Variants in XYLT1 observed in about 807,000 individuals in gnomAD.
The protein encoded by XYLT1 is beta-D-xylosyltransferase 1.
Under a neutral mutation model 91.3 loss-of-function variants are expected in XYLT1, and 36 were observed. That is an observed-to-expected ratio of 0.39 (90% CI 0.30 to 0.52). XYLT1 has a LOEUF of 0.52. Ranked by LOEUF, XYLT1 falls within the 20% of genes least tolerant of loss-of-function variation. The pLI is 0.68. For missense variants in XYLT1, 1,242 were observed against 1,284.5 expected, an observed-to-expected ratio of 0.97 and a Z score of 0.51; for synonymous variants, 588 against 532.0, an observed-to-expected ratio of 1.11 and a Z score of -1.45.
intron 5 of XYLT1, among the ~76,000 whole-genome samples, chr16:17,183,119 A>C (rs2032106978): frequency 6.6e-6 from 1 of 152,172 alleles, no homozygotes; most frequent in Admixed American, 6.5e-5. Context: ...CTGCATTCAA[A>C]TCCCAGCTTG....
At chr16:17,449,119 G>A (rs2036631476) in intron 1 of XYLT1, among the ~76,000 whole-genome samples, 1 of 152,210 alleles carries the variant, frequency 6.6e-6, no homozygotes, top group African/African-American at 2.4e-5. Flanking sequence ...ACACGCCCAA[G>A]GAAGTTCCTC....
chr16:17,177,484 C>T (rs1037888476), intron 5 of XYLT1, among the ~76,000 whole-genome samples: 17 of 152,144 alleles, frequency 1.1e-4, no homozygotes, highest in South Asian at 2.1e-4. Context: ...TCAAAGGCAG[C>T]GATGTTAATG....
intron 2 of XYLT1, among the ~76,000 whole-genome samples, chr16:17,305,757 C>G (rs1212596881): frequency 6.6e-6 from 1 of 152,110 alleles, no homozygotes; most frequent in African/African-American, 2.4e-5. Flanking sequence ...GCATTTGTAA[C>G]TATAAGGACC....
chr16:17,256,476 C>A (rs1439926789), intron 3 of XYLT1, among the ~76,000 whole-genome samples: 3 of 151,974 alleles, frequency 2.0e-5, no homozygotes, highest in African/African-American at 4.8e-5. Context: ...GATGGTGAAA[C>A]CCTGTCTCTA....
At chr16:17,331,217 G>A (rs759128305) in intron 2 of XYLT1, among the ~76,000 whole-genome samples, 7 of 152,218 alleles carry the variant, frequency 4.6e-5, no homozygotes, top group Non-Finnish European at 8.8e-5. Context: ...CAGCACACAA[G>A]GCCTTCTCAG....
intron 3 of XYLT1, among the ~76,000 whole-genome samples, chr16:17,254,498 G>A (rs1360996371): frequency 1.3e-5 from 2 of 152,064 alleles, no homozygotes; most frequent in Admixed American, 6.6e-5. Flanking sequence ...AAGCTTAAGC[G>A]ATTCTCCTGC....
chr16:17,359,591 G>A (rs1185527293), intron 1 of XYLT1, among the ~76,000 whole-genome samples: 2 of 152,166 alleles, frequency 1.3e-5, no homozygotes, highest in Non-Finnish European at 2.9e-5. Context: ...AAAGGAAACT[G>A]CCAAGAGAAC....
intron 5 of XYLT1, among the ~76,000 whole-genome samples, chr16:17,179,258 C>T (rs1158679992): frequency 2.0e-5 from 3 of 152,066 alleles, no homozygotes; most frequent in Non-Finnish European, 4.4e-5. Flanking sequence ...GGGTGAGGAT[C>T]GAAAAACTAT....
chr16:17,297,545 T>G (rs940788787), intron 2 of XYLT1, among the ~76,000 whole-genome samples: 1 of 135,986 alleles, frequency 7.4e-6, no homozygotes, highest in Non-Finnish European at 1.5e-5. Flanking sequence ...GGACCCCATC[T>G]CTAAAGAAAA....
At chr16:17,188,882 A>T (rs114794943) in intron 5 of XYLT1, among the ~76,000 whole-genome samples, 4 of 152,222 alleles carry the variant, frequency 2.6e-5, no homozygotes, top group African/African-American at 9.6e-5. Flanking sequence ...AACTTCACAC[A>T]GCTAGTAAAT....
rs138270224 is a variant in XYLT1 at position 17,421,003 on chromosome 16, C to T, written c.363+49431G>A. On this transcript the variant is annotated intron_variant, in intron 1 of 11. Coordinates refer to ENST00000261381, the MANE Select transcript of XYLT1 (RefSeq NM_022166.4). ...CACGAGTCAACCACTCTTGCACCACCACAGGTATGCATGTATTAATATCGG... is the reference window on the plus strand; with the variant it reads ...CACGAGTCAACCACTCTTGCACCACTACAGGTATGCATGTATTAATATCGG... 9.9e-5 allele frequency among the ~76,000 whole-genome samples: 15 copies of T among 152,266 alleles called. No individual in the cohort carries two copies. In the East Asian group the frequency reaches 2.9e-3, roughly 29 times the overall value.
At chr16:17,331,151 C>G (rs1365631756) in intron 2 of XYLT1, among the ~76,000 whole-genome samples, 1 of 152,222 alleles carries the variant, frequency 6.6e-6, no homozygotes, top group Non-Finnish European at 1.5e-5. Context: ...GAGGCCGCCT[C>G]TAAAGCCAAG....
chr16:17,299,526 C>T (rs924330322), intron 2 of XYLT1, among the ~76,000 whole-genome samples: 6 of 152,182 alleles, frequency 3.9e-5, no homozygotes, highest in Non-Finnish European at 8.8e-5. Flanking sequence ...TTACAGACGA[C>T]GCTGCTGCAC....
At chr16:17,239,314 TCATC>T (rs10649071) in intron 3 of XYLT1, among the ~76,000 whole-genome samples, 6,740 of 129,080 alleles carry the variant, frequency 0.052, 249 homozygotes, top group African/African-American at 0.087. Flanking sequence ...TCCAGTCCAT[TCATC>T]CATCCATCCA....
At position 17,239,314 on chromosome 16, in the gene XYLT1, T is replaced by TCATCCATC. The variant is rs10649071; in HGVS notation, c.913+19666_913+19673dup. ...CCATCCATCCACTCATCCAGTCCAT[T>TCATCCATC]CATCCATCCATCCATCCATCATCCA... On this transcript the variant is annotated intron_variant, in intron 3 of 11. Transcript: ENST00000261381. 9.3e-5 allele frequency among the ~76,000 whole-genome samples: 12 copies of TCATCCATC among 129,180 alleles called. No homozygotes were observed. In the South Asian group the frequency reaches 1.7e-3, roughly 18 times the overall value. 84.7% of individuals were successfully genotyped at this position (129,180 alleles called of 152,430 possible).
chr16:17,215,734 G>A (rs1468429604), intron 3 of XYLT1, among the ~76,000 whole-genome samples: 1 of 152,108 alleles, frequency 6.6e-6, no homozygotes, highest in Non-Finnish European at 1.5e-5. Context: ...TAAGTGGAGG[G>A]AACAGCATAT....
intron 2 of XYLT1, among the ~76,000 whole-genome samples, chr16:17,290,028 CA>C: frequency 6.6e-6 from 1 of 152,174 alleles, no homozygotes; most frequent in Admixed American, 6.5e-5. Flanking sequence ...TCATTTTTTC[CA>C]TCTCTTTCTT....
chr16:17,229,038 C>T (rs2033115755), intron 3 of XYLT1, among the ~76,000 whole-genome samples: 1 of 152,136 alleles, frequency 6.6e-6, no homozygotes, highest in African/African-American at 2.4e-5. Flanking sequence ...GGCACAATCT[C>T]GGCTCACTGC....
Position 17,259,261 on chromosome 16 carries a change from C to T in XYLT1, c.640G>A (p.Gly214Ser), listed in dbSNP as rs1317696198. 1.2e-5 allele frequency: 20 copies of T among 1,613,952 alleles called. No homozygotes were observed. Among genetic ancestry groups the T allele is most frequent in the South Asian group, 4.4e-5 (4 of 91,072 alleles). ...KGHTFPGKGP[G>S]EVLPPGDRAA... ...CTGTCCCCGGGAGGCAGCACCTCACCGGGGCCTTTCCCAGGGAATGTATGT... is the reference window on the plus strand; with the variant it reads ...CTGTCCCCGGGAGGCAGCACCTCACTGGGGCCTTTCCCAGGGAATGTATGT... The change falls in exon 3 of 12, where the codon GGT becomes AGT. Residue 214 changes from glycine to serine, a missense_variant. Transcript: ENST00000261381.
Sources: allele counts gnomAD v4.1 joint callset (sites outside exome capture counted in the v4.1 genomes callset), GRCh38; gene constraint gnomAD v4.1.1; transcripts MANE v1.5; gene names NCBI Gene and HGNC (gene_info 2026-07-23, HGNC 2026-07-21).